KDM7A: variants seen among roughly 807,000 people sequenced by gnomAD.
The protein encoded by KDM7A is lysine demethylase 7A.
A neutral mutation model predicts 114.8 loss-of-function variants in KDM7A; 28 were observed. The observed-to-expected ratio is 0.24, with a 90% CI of 0.18 to 0.33. The LOEUF (loss-of-function observed/expected upper bound fraction) is 0.33, where lower values mean the gene tolerates loss of function less well. Among genes scored for constraint, KDM7A ranks in the 10% least tolerant of loss-of-function variants. KDM7A has a pLI of 1.00. For synonymous variants in KDM7A, 423 were observed against 397.8 expected (o/e 1.06, Z -0.75); for missense variants, 942 against 1,142.5 (o/e 0.82, Z 2.53).
chr7:140,102,460 G>A (rs543460576), intron 11 of KDM7A, among the ~76,000 whole-genome samples: 24 of 151,220 alleles, frequency 1.6e-4, no homozygotes, highest in South Asian at 4.2e-4. Flanking sequence ...TTGCCTCACC[G>A]CAATCTCCAC....
chr7:140,126,951 G>A (rs1818715128), intron 5 of KDM7A, 128 bp from the exon 6 acceptor site: 2 of 701,452 alleles, frequency 2.9e-6, no homozygotes, highest in South Asian at 3.9e-5. Flanking sequence ...ACACTTAAAA[G>A]TTTAAAACAC....
chr7:140,127,359 G>T, intron 5 of KDM7A, 83 bp downstream of exon 5: 1 of 1,239,870 alleles, frequency 8.1e-7, no homozygotes, highest in Non-Finnish European at 1.1e-6. Flanking sequence ...TCACAACTAT[G>T]TTTCTTCCTA....
chr7:140,163,655 A>T (rs74448761), intron 1 of KDM7A, among the ~76,000 whole-genome samples: 9,006 of 152,044 alleles, frequency 0.059, 336 homozygotes, highest in East Asian at 0.13. Flanking sequence ...TGGTCAAAGG[A>T]AACATGGACC....
chr7:140,149,876 T>C (rs1794379632), intron 1 of KDM7A, among the ~76,000 whole-genome samples: 1 of 152,222 alleles, frequency 6.6e-6, no homozygotes, highest in Non-Finnish European at 1.5e-5. Flanking sequence ...AGGCAAGAAG[T>C]ATGCTATCTG....
At position 140,096,692 on chromosome 7, in the gene KDM7A, T is replaced by G; in HGVS notation, c.2237A>C (p.Tyr746Ser). ...TATTTGCCTTTGTAAACACGTGGAA[T>G]AGTGCAACCCTGCCATAGACAGCAT... Reference protein sequence around the residue: ...QGMLSMAGLHYSTCLQRQIQS... With the variant: ...QGMLSMAGLHSSTCLQRQIQS... The change falls in exon 17 of 20, where the codon TAT (tyrosine) becomes TCT (serine). Residue 746 changes from tyrosine to serine, a missense_variant. Physicochemically the swap from Tyr to Ser is moderately radical, Grantham distance 144 (BLOSUM62 -2). Transcript: ENST00000397560. 2 of 1,614,208 alleles carry G rather than the reference T, an allele frequency of 1.2e-6. No individual in the cohort carries two copies. The highest frequency in any genetic ancestry group is 1.7e-6 in the Non-Finnish European group (2 of 1,180,020).
At chr7:140,143,884 T>C (rs1479303705) in intron 1 of KDM7A, among the ~76,000 whole-genome samples, 5 of 152,208 alleles carry the variant, frequency 3.3e-5, no homozygotes, top group African/African-American at 1.2e-4. Flanking sequence ...TTACATCACT[T>C]TTCCCATAGA....
intron 1 of KDM7A, among the ~76,000 whole-genome samples, chr7:140,171,503 T>TTATATATATA: frequency 6.8e-6 from 1 of 146,058 alleles, no homozygotes; most frequent in South Asian, 2.1e-4. Flanking sequence ...TATATACATA[T>TTATATATATA]TTTATATATA....
intron 1 of KDM7A, among the ~76,000 whole-genome samples, chr7:140,160,609 C>G (rs1480116304): frequency 6.6e-6 from 1 of 152,208 alleles, no homozygotes; most frequent in Non-Finnish European, 1.5e-5. Context: ...TCCCCTAGGG[C>G]TGAGGTGGTA....
At chr7:140,118,368 A>AAAT (rs1818565476) in intron 9 of KDM7A, among the ~76,000 whole-genome samples, 1 of 152,174 alleles carries the variant, frequency 6.6e-6, no homozygotes, top group South Asian at 2.1e-4. Flanking sequence ...GTTCAACTAT[A>AAAT]AAGACAAGTT....
At chr7:140,132,048 T>C (rs1010017558) in intron 3 of KDM7A, among the ~76,000 whole-genome samples, 29 of 152,176 alleles carry the variant, frequency 1.9e-4, no homozygotes, top group African/African-American at 6.3e-4. Context: ...TCCATATACA[T>C]AAATGTTTTA....
intron 3 of KDM7A, among the ~76,000 whole-genome samples, chr7:140,132,747 C>T (rs894207223): frequency 1.3e-5 from 2 of 152,116 alleles, no homozygotes; most frequent in Admixed American, 6.5e-5. Flanking sequence ...TATGTTTCTG[C>T]ATAAGGATTA....
intron 6 of KDM7A, among the ~76,000 whole-genome samples, chr7:140,125,025 C>G (rs1315265622): frequency 6.6e-6 from 1 of 152,146 alleles, no homozygotes; most frequent in African/African-American, 2.4e-5. Flanking sequence ...GAAGAAATAG[C>G]TGCAAGACAG....
chr7:140,119,305 G>C, intron 8 of KDM7A, 86 bp from the exon 9 acceptor site: 1 of 687,710 alleles, frequency 1.5e-6, no homozygotes, highest in Non-Finnish European at 2.5e-6. Flanking sequence ...AAAATAACCA[G>C]GTCATGATAT....
intron 7 of KDM7A, 112 bp downstream of exon 7, chr7:140,124,509 C>A: frequency 1.5e-6 from 1 of 684,770 alleles, no homozygotes; most frequent in Non-Finnish European, 2.3e-6. Flanking sequence ...TATTTCTTAA[C>A]AAATGTCATA....
intron 13 of KDM7A, 130 bp from the exon 14 acceptor site, chr7:140,099,163 G>T: frequency 1.4e-6 from 1 of 732,118 alleles, no homozygotes; most frequent in Non-Finnish European, 2.2e-6. Flanking sequence ...ATTCAACTGT[G>T]CAATAGTATG....
intron 4 of KDM7A, 120 bp from the exon 5 acceptor site, chr7:140,127,703 G>T: frequency 1.1e-6 from 1 of 873,212 alleles, no homozygotes; most frequent in Non-Finnish European, 1.8e-6. Context: ...ATGTAGTCTA[G>T]ACAAATATTT....
At chr7:140,097,192 G>T (rs1173686770) in intron 15 of KDM7A, 145 bp from the exon 16 acceptor site, 1 of 652,942 alleles carries the variant, frequency 1.5e-6, no homozygotes, top group Non-Finnish European at 2.6e-6. Context: ...TGAAAAAAAT[G>T]ATAATCTCTA....
rs1422969926 is a variant in KDM7A at position 140,176,303 on chromosome 7, G to T, written c.194+441C>A. ...AGGAAGGCAGGCGCGTCGGCCGGCC[G>T]GGCAGAGCGGCGGGGCGGCCGGCGA... is the stretch of plus-strand genomic sequence containing the variant. On this transcript the variant is annotated intron_variant, in intron 1 of 19. Transcript: ENST00000397560. This position sits in a 1 kb window ranked among gnomAD's most constrained non-coding sequence, Gnocchi z 4.4. 4.1e-5 allele frequency among the ~76,000 whole-genome samples: 6 copies of T among 146,884 alleles called. No homozygotes were observed. Among genetic ancestry groups the T allele is most frequent in the Non-Finnish European group, 1.5e-5 (1 of 66,378 alleles).
chr7:140,124,817 CA>C, intron 6 of KDM7A, 34 bp from the exon 7 acceptor site: 1 of 1,404,750 alleles, frequency 7.1e-7, no homozygotes, highest in Non-Finnish European at 9.8e-7. Flanking sequence ...TTTGAAAAAG[CA>C]AAAGCCATAC....
Sources: allele counts gnomAD v4.1 joint callset (sites outside exome capture counted in the v4.1 genomes callset), GRCh38; gene constraint gnomAD v4.1.1; non-coding constraint Gnocchi (gnomAD v3.1); transcripts MANE v1.5; gene names NCBI Gene and HGNC (gene_info 2026-07-23, HGNC 2026-07-21).